The following PACS1 variants were observed in gnomAD, a reference collection of about 807,000 sequenced individuals.
PACS1 encodes phosphofurin acidic cluster sorting protein 1, also known as PACS-1.
A neutral mutation model predicts 115.0 loss-of-function variants in PACS1; 24 were observed. The observed-to-expected ratio is 0.21, with a 90% confidence interval of 0.15 to 0.29. The LOEUF (loss-of-function observed/expected upper bound fraction) is 0.29, where lower values mean the gene tolerates loss of function less well. Among genes scored for constraint, PACS1 ranks in the 10% least tolerant of loss-of-function variants. The pLI, the probability that PACS1 is intolerant of heterozygous loss-of-function variation, is 1.00. For missense variants in PACS1, 838 were observed against 1,251.2 expected, an observed-to-expected ratio of 0.67 and a Z score of 4.98; for synonymous variants, 453 against 504.5, an observed-to-expected ratio of 0.90 and a Z score of 1.37.
chr11:66,162,080 A>G (rs1283877994), intron 1 of PACS1, among the ~76,000 whole-genome samples: 3 of 148,364 alleles, frequency 2.0e-5, no homozygotes, highest in Admixed American at 6.7e-5. Flanking sequence ...CTGAAATCCA[A>G]TGACTGATGT....
chr11:66,210,549 T>G, intron 3 of PACS1, 98 bp downstream of exon 3: 4 of 893,628 alleles, frequency 4.5e-6, no homozygotes, highest in African/African-American at 1.6e-5. Flanking sequence ...AGAGCCCCCA[T>G]TCCCCAACTT....
At chr11:66,174,365 A>G (rs1181180969) in intron 1 of PACS1, among the ~76,000 whole-genome samples, 1 of 152,016 alleles carries the variant, frequency 6.6e-6, no homozygotes. Context: ...TACTTTTGAC[A>G]GTTTCATAAG....
intron 1 of PACS1, among the ~76,000 whole-genome samples, chr11:66,091,505 T>C (rs895390937): frequency 1.3e-5 from 2 of 150,898 alleles, no homozygotes; most frequent in African/African-American, 2.4e-5. Flanking sequence ...TTGTTGTTGT[T>C]TTTTTTCTTT....
At chr11:66,121,018 C>T (rs765135878) in intron 1 of PACS1, 1 of 456,190 alleles carries the variant, frequency 2.2e-6, no homozygotes, top group Non-Finnish European at 4.4e-6. Context: ...TTGTGCTTCA[C>T]AGATGCTGCA....
At chr11:66,223,054 C>CAAAAAAA (rs71461612) in intron 10 of PACS1, among the ~76,000 whole-genome samples, 3 of 75,006 alleles carry the variant, frequency 4.0e-5, no homozygotes, top group African/African-American at 1.1e-4. Context: ...CCTCGATTTA[C>CAAAAAAA]AAAAAAAAAA....
intron 22 of PACS1, among the ~76,000 whole-genome samples, 178 bp from the exon 23 acceptor site, chr11:66,242,734 G>A (rs1855841117): frequency 6.6e-6 from 1 of 152,168 alleles, no homozygotes; most frequent in South Asian, 2.1e-4. Flanking sequence ...CACCAGCCCA[G>A]TGCTGGGACT....
intron 1 of PACS1, among the ~76,000 whole-genome samples, chr11:66,101,719 T>A (rs4930340): frequency 0.17 from 26,175 of 152,064 alleles, 2,792 homozygotes; most frequent in Admixed American, 0.3. Flanking sequence ...TTTTTTTATA[T>A]GCACTAAAAT....
At chr11:66,187,329 G>C (rs1037596127) in intron 1 of PACS1, among the ~76,000 whole-genome samples, 5 of 152,050 alleles carry the variant, frequency 3.3e-5, no homozygotes, top group Non-Finnish European at 4.4e-5. Flanking sequence ...TGAGAACATT[G>C]ACTCTCCTCC....
At chr11:66,194,672 G>A (rs1854609085) in intron 2 of PACS1, among the ~76,000 whole-genome samples, 1 of 152,150 alleles carries the variant, frequency 6.6e-6, no homozygotes, top group South Asian at 2.1e-4. Context: ...ACTAAATAAT[G>A]ACTGGAGTCT....
chr11:66,200,316 A>C (rs1854756468), intron 2 of PACS1, among the ~76,000 whole-genome samples: 1 of 152,136 alleles, frequency 6.6e-6, no homozygotes, highest in Non-Finnish European at 1.5e-5. Flanking sequence ...GTGCCAGTAC[A>C]CTCCACCTTG....
At chr11:66,191,782 G>A (rs1428677135) in intron 1 of PACS1, among the ~76,000 whole-genome samples, 1 of 152,190 alleles carries the variant, frequency 6.6e-6, no homozygotes, top group Non-Finnish European at 1.5e-5. Context: ...CTAGCACTTT[G>A]CCAGGCCGAG....
intron 1 of PACS1, among the ~76,000 whole-genome samples, chr11:66,077,839 A>G (rs1244003432): frequency 1.3e-5 from 2 of 151,722 alleles, no homozygotes; most frequent in African/African-American, 4.8e-5. Flanking sequence ...AGTAGCTGGG[A>G]TTCCAGGCAT....
chr11:66,071,906 A>G (rs1247177752), intron 1 of PACS1, among the ~76,000 whole-genome samples: 1 of 152,162 alleles, frequency 6.6e-6, no homozygotes, highest in East Asian at 1.9e-4. Context: ...CCAGATAGGA[A>G]TGATGAGAGT....
chr11:66,237,569 G>T (rs1331519563), intron 19 of PACS1, among the ~76,000 whole-genome samples: 12 of 152,198 alleles, frequency 7.9e-5, no homozygotes, highest in Non-Finnish European at 1.8e-4. Flanking sequence ...CTGTCCTGCA[G>T]TCTAGCCAGT....
intron 1 of PACS1, among the ~76,000 whole-genome samples, chr11:66,167,553 A>C (rs1350792099): frequency 6.7e-6 from 1 of 149,838 alleles, no homozygotes; most frequent in Non-Finnish European, 1.5e-5. Flanking sequence ...AGAAATTCCT[A>C]ATTTTAATAT....
At chr11:66,089,634 A>G (rs1857624684) in intron 1 of PACS1, among the ~76,000 whole-genome samples, 1 of 152,190 alleles carries the variant, frequency 6.6e-6, no homozygotes, top group Non-Finnish European at 1.5e-5. Context: ...AAATATAACT[A>G]TCTAGCTGAC....
chr11:66,221,374 A>G (rs1364909162), intron 10 of PACS1, 127 bp downstream of exon 10: 22 of 775,628 alleles, frequency 2.8e-5, no homozygotes, highest in Non-Finnish European at 8.8e-6. Context: ...TTGGCTGGGC[A>G]TGGTGGATCA....
At chr11:66,085,281 T>C (rs1857546436) in intron 1 of PACS1, among the ~76,000 whole-genome samples, 1 of 152,176 alleles carries the variant, frequency 6.6e-6, no homozygotes, top group Non-Finnish European at 1.5e-5. Flanking sequence ...TGAGGAGGAA[T>C]CCTGCTGCAG....
chr11:66,137,033 C>CT (rs577128600), intron 1 of PACS1, among the ~76,000 whole-genome samples: 2 of 146,198 alleles, frequency 1.4e-5, no homozygotes, highest in African/African-American at 5.1e-5. Context: ...CCCCCCCCCC[C>CT]ACCATTTCGT....
Sources: allele counts gnomAD v4.1 joint callset (sites outside exome capture counted in the v4.1 genomes callset), GRCh38; gene constraint gnomAD v4.1.1; transcripts MANE v1.5; gene names NCBI Gene and HGNC (gene_info 2026-07-23, HGNC 2026-07-21).